DENND1B: variants seen among roughly 807,000 people sequenced by gnomAD.
DENND1B encodes DENN domain containing 1B.
Under a neutral mutation model 90.1 loss-of-function variants are expected in DENND1B, and 59 were observed. The observed-to-expected ratio is 0.65, with a 90% confidence interval of 0.53 to 0.81. The LOEUF (loss-of-function observed/expected upper bound fraction) is 0.81, where lower values mean the gene tolerates loss of function less well. DENND1B is among the 40% of genes least tolerant of loss of function. DENND1B has a pLI of 0.00. For missense variants in DENND1B, 862 were observed against 912.6 expected, an observed-to-expected ratio of 0.94 and a Z score of 0.71; for synonymous variants, 337 against 324.6, an observed-to-expected ratio of 1.04 and a Z score of -0.41.
chr1:197,618,866 C>G (rs1200161117), intron 10 of DENND1B, among the ~76,000 whole-genome samples: 1 of 150,974 alleles, frequency 6.6e-6, no homozygotes, highest in Non-Finnish European at 1.5e-5. Flanking sequence ...GTGATAAGCA[C>G]AATTAATTTA....
At chr1:197,752,729 G>C (rs1653728005) in intron 2 of DENND1B, among the ~76,000 whole-genome samples, 1 of 151,626 alleles carries the variant, frequency 6.6e-6, no homozygotes, top group South Asian at 2.1e-4. Context: ...TGCCATATTG[G>C]TGTGCTGCAC....
intron 5 of DENND1B, among the ~76,000 whole-genome samples, chr1:197,658,862 T>C (rs1365651463): frequency 3.3e-5 from 5 of 150,996 alleles, no homozygotes; most frequent in Non-Finnish European, 7.4e-5. Context: ...TCAAAAAGAC[T>C]ATTCTAAAAA....
intron 18 of DENND1B, 49 bp from the exon 19 acceptor site, chr1:197,541,064 T>C (rs898029423): frequency 1.3e-5 from 19 of 1,505,436 alleles, no homozygotes; most frequent in Middle Eastern, 1.7e-4. Context: ...TCCATTACCA[T>C]TTAAAGAATA....
chr1:197,780,249 AC>A (rs1657393181), upstream of DENND1B, among the ~76,000 whole-genome samples: 1 of 151,906 alleles, frequency 6.6e-6, no homozygotes, highest in Non-Finnish European at 1.5e-5. Context: ...GACCCATAAG[AC>A]CATGATAACA....
intron 8 of DENND1B, among the ~76,000 whole-genome samples, 162 bp from the exon 9 acceptor site, chr1:197,645,905 G>T (rs1037089656): frequency 6.6e-6 from 1 of 151,718 alleles, no homozygotes; most frequent in Non-Finnish European, 1.5e-5. Flanking sequence ...GAGTTAGCGG[G>T]TTTATATGAG....
At chr1:197,590,528 T>G (rs988532237) in intron 14 of DENND1B, among the ~76,000 whole-genome samples, 3 of 152,156 alleles carry the variant, frequency 2.0e-5, no homozygotes, top group African/African-American at 7.2e-5. Flanking sequence ...TTCTCTGTAA[T>G]TAAGGGTAGG....
intron 14 of DENND1B, among the ~76,000 whole-genome samples, chr1:197,591,911 C>G (rs1295966971): frequency 6.6e-6 from 1 of 151,944 alleles, no homozygotes; most frequent in Non-Finnish European, 1.5e-5. Context: ...GAGATCAAGA[C>G]CATCCTGGCT....
intron 7 of DENND1B, among the ~76,000 whole-genome samples, chr1:197,650,069 A>G (rs563568512): frequency 2.1e-4 from 32 of 152,302 alleles, no homozygotes; most frequent in African/African-American, 7.5e-4. Flanking sequence ...TCTCAAAAGA[A>G]TATATTCAAA....
chr1:197,614,459 TTCCTA>T (rs1039097900), intron 11 of DENND1B, among the ~76,000 whole-genome samples: 10 of 150,944 alleles, frequency 6.6e-5, no homozygotes, highest in African/African-American at 2.4e-4. Flanking sequence ...AGCCTTAAAT[TTCCTA>T]ATTAGATAAG....
chr1:197,761,718 T>C (rs1268965958), intron 2 of DENND1B: 1 of 152,166 alleles, frequency 6.6e-6, no homozygotes, highest in African/African-American at 2.4e-5. Flanking sequence ...AAAATTATTA[T>C]TTTAATGAGT....
chr1:197,752,412 C>T (rs1187754606), intron 2 of DENND1B, among the ~76,000 whole-genome samples: 2 of 151,960 alleles, frequency 1.3e-5, no homozygotes, highest in Non-Finnish European at 2.9e-5. Context: ...ATCCTTCCCA[C>T]AAGAAACATT....
intron 18 of DENND1B, among the ~76,000 whole-genome samples, chr1:197,542,228 A>T (rs966344977): frequency 1.3e-5 from 2 of 152,192 alleles, no homozygotes; most frequent in Non-Finnish European, 2.9e-5. Flanking sequence ...CTTTGCTGTT[A>T]TTCTTAAATT....
intron 3 of DENND1B, among the ~76,000 whole-genome samples, chr1:197,702,169 A>C (rs1659103738): frequency 6.6e-6 from 1 of 152,194 alleles, no homozygotes; most frequent in Non-Finnish European, 1.5e-5. Context: ...TAGGAAGTTG[A>C]ACTTCTAATA....
In DENND1B at chr1:197,510,393, T is replaced by G. The variant is rs1667940426; in HGVS notation, c.*67A>C. ...TAGTATGAGTTGCCATTCCTACAAA[T>G]AATTCTGTTTATTATACAGATTGCA... is the stretch of plus-strand genomic sequence containing the variant. On this transcript the variant is annotated 3_prime_UTR_variant, in exon 23 of 23. Coordinates refer to ENST00000620048, the MANE Select transcript of DENND1B (RefSeq NM_001195215.2). 1.4e-6 allele frequency: 2 copies of G among 1,466,952 alleles called. No homozygotes were observed. Among genetic ancestry groups the G allele is most frequent in the African/African-American group, 2.8e-5 (2 of 70,458 alleles). 90.9% of individuals were successfully genotyped at this position (1,466,952 alleles called of 1,614,324 possible). A position where few individuals can be genotyped will look rare whatever the true frequency, so the allele number is the denominator to read the frequency against.
chr1:197,639,916 G>A (rs1396717032), intron 10 of DENND1B, among the ~76,000 whole-genome samples: 1 of 152,128 alleles, frequency 6.6e-6, no homozygotes, highest in South Asian at 2.1e-4. Flanking sequence ...GATCATGAAA[G>A]AGAACTTGAA....
intron 2 of DENND1B, among the ~76,000 whole-genome samples, chr1:197,728,338 A>C (rs1571523900): frequency 6.6e-6 from 1 of 152,232 alleles, no homozygotes; most frequent in East Asian, 1.9e-4. Flanking sequence ...AACTGGACTA[A>C]AAACAAGAAC....
intron 2 of DENND1B, among the ~76,000 whole-genome samples, chr1:197,751,594 A>C (rs1310240782): frequency 1.3e-5 from 2 of 152,214 alleles, no homozygotes; most frequent in African/African-American, 4.8e-5. Flanking sequence ...CTGTAAGCCC[A>C]GCACTTTGGG....
intron 13 of DENND1B, among the ~76,000 whole-genome samples, chr1:197,604,203 C>G (rs1170214919): frequency 1.3e-5 from 2 of 149,768 alleles, no homozygotes; most frequent in Non-Finnish European, 3.0e-5. Context: ...GTTTTTTTTT[C>G]TTTTAATGAT....
chr1:197,735,549 G>A (rs770654911), intron 2 of DENND1B: 6 of 1,613,486 alleles, frequency 3.7e-6, no homozygotes, highest in Non-Finnish European at 4.2e-6. Flanking sequence ...CATTTACAAA[G>A]TGTTCTTAGA....
Sources: gnomAD v4.1 joint callset for allele counts (sites outside exome capture counted in the v4.1 genomes callset) on GRCh38, gnomAD v4.1.1 for gene constraint, MANE v1.5 for transcripts, NCBI Gene and HGNC (gene_info 2026-07-23, HGNC 2026-07-21) for gene names.